The following CRACR2A variants were observed in gnomAD, a reference collection of about 807,000 sequenced individuals.
The protein encoded by CRACR2A is EF-hand calcium-binding domain-containing protein 4B.
A neutral mutation model predicts 90.5 loss-of-function variants in CRACR2A; 79 were observed. The ratio of observed to expected loss-of-function variants is 0.87; its 90% CI spans 0.73 to 1.05. The LOEUF (loss-of-function observed/expected upper bound fraction) is 1.05, where lower values mean the gene tolerates loss of function less well. Ranked by LOEUF, CRACR2A falls within the 50% of genes least tolerant of loss-of-function variation. CRACR2A has a pLI of 0.00. For synonymous variants in CRACR2A, 338 were observed against 356.7 expected (o/e 0.95, Z 0.59); for missense variants, 823 against 897.2 (o/e 0.92, Z 1.06).
At chr12:3,620,160 G>C (rs55714330) in intron 17 of CRACR2A, among the ~76,000 whole-genome samples, 8,377 of 152,342 alleles carry the variant, frequency 0.055, 299 homozygotes, top group Middle Eastern at 0.11. Context: ...CCTGGTGAAA[G>C]GGGCACCGTG....
intron 2 of CRACR2A, chr12:3,727,661 C>A (rs1946293750): frequency 6.6e-6 from 1 of 152,150 alleles, no homozygotes. Flanking sequence ...CAACCATTTC[C>A]TAAATACCGG....
At chr12:3,705,942 A>G (rs182067436) in intron 3 of CRACR2A, among the ~76,000 whole-genome samples, 161 of 152,268 alleles carry the variant, frequency 1.1e-3, no homozygotes, top group African/African-American at 3.8e-3. Context: ...CACTGTGACC[A>G]ATTTCAACCT....
chr12:3,723,812 C>T (rs1196771326), intron 2 of CRACR2A, among the ~76,000 whole-genome samples: 1 of 152,174 alleles, frequency 6.6e-6, no homozygotes, highest in Non-Finnish European at 1.5e-5. Context: ...TTGGCCTGTG[C>T]TTACCATTCT....
intron 2 of CRACR2A, among the ~76,000 whole-genome samples, chr12:3,725,539 C>A (rs1362061109): frequency 2.0e-5 from 3 of 152,178 alleles, no homozygotes; most frequent in Non-Finnish European, 4.4e-5. Flanking sequence ...AGATCCCTCA[C>A]TTCATTACAT....
At chr12:3,673,347 A>T (rs993050115) in intron 7 of CRACR2A, 99 bp downstream of exon 7, 6 of 1,439,810 alleles carry the variant, frequency 4.2e-6, no homozygotes, top group Admixed American at 2.2e-5. Context: ...AAAAGGAGGC[A>T]TTGCACGATG....
At chr12:3,665,221 T>C (rs1945110155) in intron 7 of CRACR2A, among the ~76,000 whole-genome samples, 1 of 152,232 alleles carries the variant, frequency 6.6e-6, no homozygotes, top group African/African-American at 2.4e-5. Flanking sequence ...GCAACAGTCA[T>C]GAGCACTAAT....
At chr12:3,638,982 T>A (rs959974920) in intron 13 of CRACR2A, among the ~76,000 whole-genome samples, 5 of 152,170 alleles carry the variant, frequency 3.3e-5, no homozygotes, top group Non-Finnish European at 7.3e-5. Flanking sequence ...CTTCAGACCT[T>A]GCTGTAAAAC....
intron 3 of CRACR2A, among the ~76,000 whole-genome samples, chr12:3,706,643 C>A (rs1256725998): frequency 6.6e-6 from 1 of 152,166 alleles, no homozygotes; most frequent in African/African-American, 2.4e-5. Context: ...CTCTGTTGCC[C>A]GGGCTGAAGT....
chr12:3,664,942 G>A (rs1047768238), intron 7 of CRACR2A, among the ~76,000 whole-genome samples: 6 of 152,240 alleles, frequency 3.9e-5, no homozygotes, highest in African/African-American at 1.4e-4. Context: ...AGAAGGCGGA[G>A]GTTGCAGTGC....
chr12:3,645,290 C>T (rs539413405), intron 11 of CRACR2A, among the ~76,000 whole-genome samples: 1 of 152,330 alleles, frequency 6.6e-6, no homozygotes, highest in South Asian at 2.1e-4. Context: ...GCGGGAGAAG[C>T]ATTCCAGGCA....
At chr12:3,648,169 C>G (rs1286289713) in intron 11 of CRACR2A, 5 of 1,085,326 alleles carry the variant, frequency 4.6e-6, no homozygotes, top group Non-Finnish European at 4.5e-6. Flanking sequence ...AATGAACTGC[C>G]CTACTCACCT....
At chr12:3,665,709 G>T (rs946455321) in intron 7 of CRACR2A, among the ~76,000 whole-genome samples, 1 of 152,180 alleles carries the variant, frequency 6.6e-6, no homozygotes, top group Non-Finnish European at 1.5e-5. Context: ...GTGGTGTGAA[G>T]AAATGTGTGC....
At chr12:3,738,415 A>G (rs1946478559) in intron 1 of CRACR2A, among the ~76,000 whole-genome samples, 1 of 152,256 alleles carries the variant, frequency 6.6e-6, no homozygotes. Context: ...CAGGAGACAA[A>G]AAGTCATGAG....
intron 4 of CRACR2A, among the ~76,000 whole-genome samples, chr12:3,688,281 T>C (rs896509875): frequency 2.6e-5 from 4 of 152,186 alleles, no homozygotes; most frequent in African/African-American, 9.7e-5. Flanking sequence ...TGTCCAGAAT[T>C]GTATTGCCTA....
intron 1 of CRACR2A, among the ~76,000 whole-genome samples, chr12:3,749,124 T>G (rs1349577378): frequency 6.6e-6 from 1 of 152,204 alleles, no homozygotes; most frequent in African/African-American, 2.4e-5. Flanking sequence ...AAAATGGGCA[T>G]GATGGCAGTG....
At chr12:3,689,667 T>C (rs1374500866) in intron 4 of CRACR2A, among the ~76,000 whole-genome samples, 2 of 152,134 alleles carry the variant, frequency 1.3e-5, no homozygotes, top group Non-Finnish European at 2.9e-5. Context: ...TTTTGTTGTG[T>C]CTCTGCCAGG....
chr12:3,677,278 A>G (rs1230087973), intron 6 of CRACR2A, among the ~76,000 whole-genome samples: 1 of 152,244 alleles, frequency 6.6e-6, no homozygotes, highest in East Asian at 1.9e-4. Flanking sequence ...CTGAGGTCTC[A>G]CAGCCGTGAA....
At chr12:3,713,026 G>T (rs982661726) in intron 3 of CRACR2A, among the ~76,000 whole-genome samples, 6 of 151,852 alleles carry the variant, frequency 4.0e-5, no homozygotes, top group African/African-American at 1.5e-4. Flanking sequence ...ACTCCAACAA[G>T]GTGGAATAGA....
chr12:3,739,935 A>G (rs1256321054), intron 1 of CRACR2A, among the ~76,000 whole-genome samples: 6 of 151,668 alleles, frequency 4.0e-5, no homozygotes, highest in African/African-American at 1.5e-4. Flanking sequence ...CGTCTCAAAA[A>G]AAAAAAAAAT....
Sources: allele counts gnomAD v4.1 joint callset (sites outside exome capture counted in the v4.1 genomes callset), GRCh38; gene constraint gnomAD v4.1.1; transcripts MANE v1.5; gene names NCBI Gene and HGNC (gene_info 2026-07-23, HGNC 2026-07-21).